SRGAP3: variants seen among roughly 807,000 people sequenced by gnomAD.
SRGAP3 encodes the protein SLIT-ROBO Rho GTPase activating protein 3.
In SRGAP3, 39 loss-of-function variants were observed where a neutral mutation model predicts 121.1. The ratio of observed to expected loss-of-function variants is 0.32; its 90% confidence interval spans 0.25 to 0.42. The LOEUF is 0.42. Ranked by LOEUF, SRGAP3 falls within the 10% of genes least tolerant of loss-of-function variation. The pLI is 1.00. For missense variants in SRGAP3, 1,213 were observed against 1,470.6 expected, an observed-to-expected ratio of 0.82 and a Z score of 2.86; for synonymous variants, 601 against 570.0, an observed-to-expected ratio of 1.05 and a Z score of -0.77.
chr3:9,274,975 G>C (rs752992449), intron 3 of SRGAP3, among the ~76,000 whole-genome samples: 23 of 151,958 alleles, frequency 1.5e-4, no homozygotes, highest in Admixed American at 5.2e-4. Context: ...TTTTGGAAAA[G>C]GCAACATTCA....
chr3:9,307,136 C>A (rs1465431076), intron 3 of SRGAP3, among the ~76,000 whole-genome samples: 2 of 152,128 alleles, frequency 1.3e-5, no homozygotes, highest in Admixed American at 1.3e-4. Flanking sequence ...TCACGCCTGG[C>A]TTATTTTTTG....
At position 9,010,616 on chromosome 3, in the gene SRGAP3, T is replaced by C. The variant is rs183986316; in HGVS notation, c.2148-229A>G. ...CCAAATATCTCCCCCAGTGCCCTCC[T>C]AGCCCTGGAATTTGCTGAGCTGTCT... is the stretch of plus-strand genomic sequence containing the variant. On this transcript the variant is annotated intron_variant, in intron 17 of 21. Transcript: ENST00000383836. Among the ~76,000 whole-genome samples the C allele has an allele frequency of 1.1e-3, 173 of 152,264 alleles. 3 individuals are homozygous for C. The highest frequency in any genetic ancestry group is 1.8e-4 in the Non-Finnish European group (12 of 68,008).
At chr3:8,996,285 GA>G (rs34450983) in intron 18 of SRGAP3, among the ~76,000 whole-genome samples, 88,306 of 151,978 alleles carry the variant, frequency 0.58, 26,070 homozygotes, top group Middle Eastern at 0.67. Context: ...GGATGGCATG[GA>G]AAAATCAAAG....
At chr3:9,144,806 G>A (rs996658307) in intron 1 of SRGAP3, among the ~76,000 whole-genome samples, 3 of 152,170 alleles carry the variant, frequency 2.0e-5, no homozygotes, top group African/African-American at 7.2e-5. Flanking sequence ...TAATACACCT[G>A]TCTAACTCCT....
exon 3 of SRGAP3, chr3:9,326,027 G>T (rs565782121): frequency 6.6e-6 from 1 of 151,938 alleles, no homozygotes; most frequent in East Asian, 1.9e-4. Flanking sequence ...GTTCCAATAG[G>T]TGTACAGTTC....
At chr3:9,017,442 T>C (rs1413541077) in intron 14 of SRGAP3, among the ~76,000 whole-genome samples, 2 of 152,214 alleles carry the variant, frequency 1.3e-5, no homozygotes, top group Non-Finnish European at 2.9e-5. Flanking sequence ...ACAATAAACC[T>C]GCTACACACA....
chr3:9,061,065 C>G (rs937591216), intron 5 of SRGAP3, among the ~76,000 whole-genome samples: 23 of 152,292 alleles, frequency 1.5e-4, no homozygotes, highest in Admixed American at 7.8e-4. Context: ...AACCCCATCT[C>G]TACTAAAAAT....
chr3:9,170,105 C>T (rs1053238693), intron 1 of SRGAP3, among the ~76,000 whole-genome samples: 4 of 152,162 alleles, frequency 2.6e-5, no homozygotes. Flanking sequence ...ACAGGAAGCA[C>T]AGATGAAATG....
Position 9,096,953 on chromosome 3 carries a change from A to G in SRGAP3, c.423+7727T>C, listed in dbSNP as rs529584013. 5.1e-3 allele frequency among the ~76,000 whole-genome samples: 463 copies of G among 91,262 alleles called. 5 individuals are homozygous for G. Among genetic ancestry groups the G allele is most frequent in the African/African-American group, 0.027 (423 of 15,896 alleles). 59.9% of individuals were successfully genotyped at this position (91,262 alleles called of 152,430 possible). A position where few individuals can be genotyped will look rare whatever the true frequency, so the allele number is the denominator to read the frequency against. ...CATTATTTTGTATATATATATATAT[A>G]TATATATATATATATATATATATAT... On this transcript the variant is annotated intron_variant, in intron 3 of 21. Coordinates refer to ENST00000383836, the MANE Select transcript of SRGAP3 (RefSeq NM_014850.4).
intron 1 of SRGAP3, among the ~76,000 whole-genome samples, chr3:9,206,788 C>T (rs186056664): frequency 3.9e-5 from 6 of 152,256 alleles, no homozygotes; most frequent in Non-Finnish European, 7.4e-5. Flanking sequence ...CCCAGCACAC[C>T]GCATCCCCCT....
At chr3:9,049,534 G>A (rs144086907) in intron 9 of SRGAP3, 422 of 455,500 alleles carry the variant, frequency 9.3e-4, no homozygotes, top group African/African-American at 6.3e-3. Context: ...GCAGATTACC[G>A]AGCATTTCTG....
At chr3:9,006,150 C>T (rs1002061599) in intron 18 of SRGAP3, among the ~76,000 whole-genome samples, 2 of 151,944 alleles carry the variant, frequency 1.3e-5, no homozygotes, top group African/African-American at 4.8e-5. Context: ...CCTGTAATCC[C>T]AGCACTTTGG....
intron 5 of SRGAP3, among the ~76,000 whole-genome samples, chr3:9,063,241 A>G (rs1028215869): frequency 2.8e-5 from 4 of 141,408 alleles, no homozygotes; most frequent in Admixed American, 1.6e-4. Context: ...TAATCCTCCT[A>G]CCTCAGCCTC....
At chr3:9,067,541 A>G (rs1350266966) in intron 4 of SRGAP3, among the ~76,000 whole-genome samples, 3 of 151,946 alleles carry the variant, frequency 2.0e-5, no homozygotes, top group African/African-American at 7.3e-5. Context: ...TGCGTTCTCG[A>G]CATCTAGTGG....
At chr3:9,165,490 T>C (rs753607197) in intron 1 of SRGAP3, among the ~76,000 whole-genome samples, 17 of 152,228 alleles carry the variant, frequency 1.1e-4, no homozygotes, top group Non-Finnish European at 2.1e-4. Context: ...CTTTCTGATC[T>C]TTCTGTTTCT....
At chr3:9,102,733 A>AT (rs1258701105) in intron 3 of SRGAP3, among the ~76,000 whole-genome samples, 1 of 152,058 alleles carries the variant, frequency 6.6e-6, no homozygotes, top group Non-Finnish European at 1.5e-5. Flanking sequence ...AGCTGTAGAC[A>AT]TTTTTTTCAT....
chr3:9,248,220 A>G (rs1953894932), intron 1 of SRGAP3, among the ~76,000 whole-genome samples: 1 of 152,270 alleles, frequency 6.6e-6, no homozygotes, highest in South Asian at 2.1e-4. Context: ...GCCAGGGCAC[A>G]GAGTGATTGG....
chr3:8,989,895 T>C (rs12629471), intron 21 of SRGAP3, among the ~76,000 whole-genome samples: 22,278 of 152,196 alleles, frequency 0.15, 4,662 homozygotes, highest in African/African-American at 0.46. Context: ...TCAAGTCCTC[T>C]CCAGAGAAGT....
intron 1 of SRGAP3, among the ~76,000 whole-genome samples, chr3:9,346,793 C>T (rs1024673418): frequency 2.0e-5 from 3 of 150,178 alleles, no homozygotes; most frequent in Non-Finnish European, 4.4e-5. Context: ...TCACTCTTCT[C>T]CCCTGAGGCT....
Sources: gnomAD v4.1 joint callset for allele counts (sites outside exome capture counted in the v4.1 genomes callset) on GRCh38, gnomAD v4.1.1 for gene constraint, MANE v1.5 for transcripts, NCBI Gene and HGNC (gene_info 2026-07-23, HGNC 2026-07-21) for gene names.